Variants in ELF1 observed in about 807,000 individuals in gnomAD.
ELF1 encodes E74 like ETS transcription factor 1, also known as ETS-related transcription factor Elf-1.
In ELF1, 24 loss-of-function variants were observed where a neutral mutation model predicts 59.9. That is an observed-to-expected ratio of 0.40 (90% CI 0.29 to 0.56). ELF1 has a LOEUF of 0.56. Among genes scored for constraint, ELF1 ranks in the 20% least tolerant of loss-of-function variants. ELF1 has a pLI of 0.44. For missense variants in ELF1, 627 were observed against 742.2 expected, an observed-to-expected ratio of 0.84 and a Z score of 1.80; for synonymous variants, 248 against 266.2, an observed-to-expected ratio of 0.93 and a Z score of 0.67.
intron 1 of ELF1, among the ~76,000 whole-genome samples, chr13:41,015,491 G>T (rs78300041): frequency 0.015 from 2,308 of 152,140 alleles, 38 homozygotes; most frequent in East Asian, 0.049. Context: ...AATATTTAAA[G>T]GCAAAATAGC....
intron 2 of ELF1, among the ~76,000 whole-genome samples, chr13:40,971,975 C>A (rs1393001620): frequency 6.6e-6 from 1 of 151,314 alleles, no homozygotes; most frequent in African/African-American, 2.4e-5. Flanking sequence ...TAAATTTTAA[C>A]CAGATGTAAA....
chr13:41,048,402 T>C (rs1441235865), intron 1 of ELF1, among the ~76,000 whole-genome samples: 3 of 152,194 alleles, frequency 2.0e-5, no homozygotes, highest in African/African-American at 7.2e-5. Context: ...CTGTTCTTAT[T>C]TGGCCATCTT....
At chr13:40,949,529 AT>A (rs1666541950) in intron 5 of ELF1, among the ~76,000 whole-genome samples, 1 of 150,886 alleles carries the variant, frequency 6.6e-6, no homozygotes, top group Non-Finnish European at 1.5e-5. Flanking sequence ...AATTCTTAAA[AT>A]TTTTTGTAGA....
chr13:41,040,430 T>C lies in ELF1; in HGVS notation c.-229+20408A>G, dbSNP rs139913703. ...TATATATGCATGATCTACATTTCAGTATATGCAATGATGGTCAACTAAAAC... is the reference window on the plus strand; with the variant it reads ...TATATATGCATGATCTACATTTCAGCATATGCAATGATGGTCAACTAAAAC... On this transcript the variant is annotated intron_variant, in intron 1 of 1. Transcript: ENST00000405737. Among the ~76,000 whole-genome samples, 13 of 152,274 alleles carry C rather than the reference T, an allele frequency of 8.5e-5. No homozygotes were observed. In the East Asian group the frequency reaches 2.5e-3, roughly 29 times the overall value.
upstream of ELF1, chr13:41,019,392 T>G: frequency 1.0e-6 from 1 of 985,424 alleles, no homozygotes; most frequent in African/African-American, 1.7e-5. Context: ...ACGCCCATGT[T>G]GCTGTGGACC....
At chr13:41,007,624 C>T (rs1032720523) in intron 1 of ELF1, among the ~76,000 whole-genome samples, 2 of 152,050 alleles carry the variant, frequency 1.3e-5, no homozygotes, top group East Asian at 1.9e-4. Context: ...CTTTCTTTGA[C>T]GAATGTTGAT....
At chr13:40,969,542 G>C (rs1048087195) in intron 2 of ELF1, among the ~76,000 whole-genome samples, 8 of 152,204 alleles carry the variant, frequency 5.3e-5, no homozygotes, top group Non-Finnish European at 1.2e-4. Flanking sequence ...GCAAGGGTAA[G>C]AGACAATAAG....
At chr13:41,001,465 A>G (rs1287774471) in intron 1 of ELF1, among the ~76,000 whole-genome samples, 1 of 152,096 alleles carries the variant, frequency 6.6e-6, no homozygotes, top group Non-Finnish European at 1.5e-5. Flanking sequence ...TTGTGGAACC[A>G]CAAAAGATCT....
At chr13:41,019,554 T>C (rs1026360893), upstream of ELF1, among the ~76,000 whole-genome samples, 1 of 151,996 alleles carries the variant, frequency 6.6e-6, no homozygotes, top group Non-Finnish European at 1.5e-5. Flanking sequence ...TAAAATAGAG[T>C]AAGAACCTAC....
intron 1 of ELF1, among the ~76,000 whole-genome samples, chr13:40,989,168 T>C (rs1189186992): frequency 6.6e-6 from 1 of 152,086 alleles, no homozygotes; most frequent in African/African-American, 2.4e-5. Context: ...GAAAAAACAA[T>C]AAAGAAACAT....
chr13:41,014,660 T>C (rs1288016834), intron 1 of ELF1, among the ~76,000 whole-genome samples: 1 of 152,174 alleles, frequency 6.6e-6, no homozygotes, highest in Admixed American at 6.5e-5. Context: ...GACTCAATAA[T>C]GGTACTAACT....
chr13:40,941,590 T>C (rs545500878), intron 7 of ELF1, among the ~76,000 whole-genome samples: 9 of 152,284 alleles, frequency 5.9e-5, no homozygotes, highest in Non-Finnish European at 1.3e-4. Flanking sequence ...CTAATGCTGA[T>C]TGGGGGACTG....
intron 8 of ELF1, among the ~76,000 whole-genome samples, chr13:40,936,538 G>A (rs761805656): frequency 1.7e-4 from 26 of 151,958 alleles, no homozygotes; most frequent in Non-Finnish European, 3.2e-4. Flanking sequence ...TGGATCACAA[G>A]GTACAGAGTT....
chr13:41,037,546 C>A (rs146482164), intron 1 of ELF1, among the ~76,000 whole-genome samples: 1 of 152,116 alleles, frequency 6.6e-6, no homozygotes, highest in African/African-American at 2.4e-5. Context: ...CCTGTAATCC[C>A]AGCACTTTGG....
chr13:41,035,128 C>T (rs935723991), intron 1 of ELF1, among the ~76,000 whole-genome samples: 3 of 152,236 alleles, frequency 2.0e-5, no homozygotes, highest in South Asian at 2.1e-4. Context: ...TTTATTCATT[C>T]GTACACACAC....
In ELF1 at chr13:40,986,937, C is replaced by CTTTTT. The variant is rs1555276215; in HGVS notation, c.-228-4660_-228-4656dup. Among the ~76,000 whole-genome samples, 47 of 126,844 alleles carry CTTTTT rather than the reference C, an allele frequency of 3.7e-4. 2 individuals carry two copies. Among genetic ancestry groups the CTTTTT allele is most frequent in the African/African-American group, 6.1e-4 (20 of 32,778 alleles). 83.2% of individuals were successfully genotyped at this position (126,844 alleles called of 152,430 possible). A position where few individuals can be genotyped will look rare whatever the true frequency, so the allele number is the denominator to read the frequency against. ...AATATATTTTTAGAAAATCATTGCT[C>CTTTTT]TTTTTTTTTTTTTTTTTTGAGTGGG... On this transcript the variant is annotated intron_variant, in intron 1 of 8. Coordinates refer to ENST00000239882, the MANE Select transcript of ELF1 (RefSeq NM_172373.4).
At chr13:41,034,141 T>C (rs1004308600) in intron 1 of ELF1, among the ~76,000 whole-genome samples, 1 of 152,050 alleles carries the variant, frequency 6.6e-6, no homozygotes, top group African/African-American at 2.4e-5. Context: ...TATAATCAAA[T>C]TGAGGGACAT....
intron 1 of ELF1, among the ~76,000 whole-genome samples, chr13:40,990,018 A>ATATAGTATAACCATATC (rs1187280071): frequency 9.8e-6 from 1 of 102,210 alleles, no homozygotes; most frequent in African/African-American, 4.0e-5. Context: ...GTGGAGTACA[A>ATATAGTATAACCATATC]TATATGGTTA....
chr13:41,023,336 A>G (rs1166807888), upstream of ELF1, among the ~76,000 whole-genome samples: 3 of 152,218 alleles, frequency 2.0e-5, no homozygotes, highest in Admixed American at 1.3e-4. Flanking sequence ...TAGGCTAAAA[A>G]AAGCTTTGTT....
Sources: allele counts gnomAD v4.1 joint callset (sites outside exome capture counted in the v4.1 genomes callset), GRCh38; gene constraint gnomAD v4.1.1; transcripts MANE v1.5; gene names NCBI Gene and HGNC (gene_info 2026-07-23, HGNC 2026-07-21).